Variants in VPS13D observed in about 807,000 individuals in gnomAD.
VPS13D encodes the protein vacuolar protein sorting 13 homolog D.
VPS13D carries 187 observed loss-of-function variants against 461.9 expected under a neutral mutation model. That is an observed-to-expected ratio of 0.40 (90% confidence interval 0.36 to 0.46). VPS13D has a LOEUF of 0.46. Ranked by LOEUF, VPS13D falls within the 20% of genes least tolerant of loss-of-function variation. VPS13D has a pLI of 0.60. For missense variants in VPS13D, 4,711 were observed against 5,364.9 expected, an observed-to-expected ratio of 0.88 and a Z score of 3.81; for synonymous variants, 1,951 against 1,986.3, an observed-to-expected ratio of 0.98 and a Z score of 0.47.
intron 57 of VPS13D, among the ~76,000 whole-genome samples, chr1:12,379,972 T>C (rs1038233121): frequency 3.3e-5 from 5 of 152,134 alleles, no homozygotes; most frequent in Non-Finnish European, 7.4e-5. Context: ...AGTTTCACCA[T>C]GTTAGCCAGG....
chr1:12,462,394 C>T (rs1645424362), intron 67 of VPS13D, among the ~76,000 whole-genome samples: 1 of 152,212 alleles, frequency 6.6e-6, no homozygotes, highest in Non-Finnish European at 1.5e-5. Flanking sequence ...TAAAAGGGAA[C>T]TACTGTGTGT....
intron 39 of VPS13D, 22 bp downstream of exon 39, chr1:12,335,849 G>A (rs1458456087): frequency 1.9e-6 from 3 of 1,613,570 alleles, no homozygotes; most frequent in East Asian, 2.2e-5. Flanking sequence ...CACTACATGT[G>A]TTTAACTAAA....
intron 62 of VPS13D, 114 bp downstream of exon 62, chr1:12,401,818 C>A: frequency 1.3e-6 from 1 of 761,388 alleles, no homozygotes; most frequent in South Asian, 1.7e-5. Context: ...CTTTCCACAT[C>A]TCAGCCTGAG....
chr1:12,420,159 A>T (rs142243207), intron 65 of VPS13D, among the ~76,000 whole-genome samples: 1 of 152,348 alleles, frequency 6.6e-6, no homozygotes, highest in Non-Finnish European at 1.5e-5. Flanking sequence ...CTTATAGGAA[A>T]TGGTAGATCT....
intron 52 of VPS13D, among the ~76,000 whole-genome samples, chr1:12,366,813 G>A (rs557624843): frequency 3.3e-5 from 5 of 152,244 alleles, no homozygotes; most frequent in African/African-American, 1.2e-4. Context: ...CTTGCTACAT[G>A]TTGCTTCTCT....
chr1:12,363,733 T>C (rs949101233), intron 52 of VPS13D, among the ~76,000 whole-genome samples: 2 of 151,984 alleles, frequency 1.3e-5, no homozygotes, highest in Non-Finnish European at 2.9e-5. Flanking sequence ...GGCAGGCGGA[T>C]CACGAGGTCA....
intron 65 of VPS13D, among the ~76,000 whole-genome samples, chr1:12,444,327 T>G (rs564281405): frequency 1.9e-4 from 29 of 152,336 alleles, no homozygotes; most frequent in African/African-American, 6.5e-4. Flanking sequence ...AGATTTACTC[T>G]TTGTTTTTAG....
intron 54 of VPS13D, among the ~76,000 whole-genome samples, chr1:12,370,343 AC>A (rs1483058450): frequency 8.5e-5 from 13 of 152,358 alleles, no homozygotes; most frequent in Non-Finnish European, 1.6e-4. Context: ...TGCTGAAATA[AC>A]AGGGCCAATT....
At chr1:12,307,063 TTATC>T (rs1642586216) in intron 26 of VPS13D, among the ~76,000 whole-genome samples, 1 of 152,188 alleles carries the variant, frequency 6.6e-6, no homozygotes, top group Non-Finnish European at 1.5e-5. Context: ...AGCTCTACTT[TTATC>T]TATTCCATGT....
At position 12,276,726 on chromosome 1, in the gene VPS13D, A is replaced by G; in HGVS notation, c.3138A>G (p.Gly1046=). The part of the protein sequence containing the change: ...RDSRAQSPVS[G]PNVAHLTDGA... The stretch of plus-strand genomic sequence containing the variant: ...GCAGGGCCCAGTCTCCTGTCTCTGG[A>G]CCGAATGTGGCCCACTTAACTGATG... The change falls in exon 19 of 70, where the codon GGA becomes GGG. Residue 1046 remains glycine, a synonymous_variant. Coordinates refer to ENST00000620676, the MANE Select transcript of VPS13D (RefSeq NM_015378.4). The surrounding 1 kb of genome is among the most constrained non-coding windows in gnomAD (Gnocchi z 4.5). 1 of 1,614,114 alleles carries G rather than the reference A, an allele frequency of 6.2e-7. No individual in the cohort carries two copies. Among genetic ancestry groups the G allele is most frequent in the Non-Finnish European group, 8.5e-7 (1 of 1,180,016 alleles).
rs111362529 is a variant in VPS13D at position 12,234,230 on chromosome 1, C to G, written c.-37C>G. 7.3e-7 allele frequency: 1 copy of G among 1,372,472 alleles called. No homozygotes were observed. The highest frequency in any genetic ancestry group is 1.0e-6 in the Non-Finnish European group (1 of 970,996). 85.0% of individuals were successfully genotyped at this position (1,372,472 alleles called of 1,614,324 possible). On this transcript the variant is annotated 5_prime_UTR_variant, in exon 2 of 70. It adds an upstream start codon to the 5' untranslated region. Coordinates refer to ENST00000620676, the MANE Select transcript of VPS13D (RefSeq NM_015378.4). ...ATGAAAGAGAGAAATAAAGAATGAT[C>G]CATGATTTCTAAACACCTTTTCCTG...
In VPS13D at chr1:12,338,244, C is replaced by G. The variant is rs565420547; in HGVS notation, c.8565C>G (p.Val2855=). Residue 2855 remains valine, a synonymous_variant, in exon 40 of 70, where the codon GTC becomes GTG. Coordinates refer to ENST00000620676, the MANE Select transcript of VPS13D (RefSeq NM_015378.4). ...PPCFGQSLPL[V]YLRTRSTASL... ...CCTGTCTACCAGGCCTCCCCCTTGT[C>G]TACCTTAGAACTAGGAGTACAGCCA... 3.3e-5 allele frequency: 54 copies of G among 1,613,654 alleles called. No homozygotes were observed. The South Asian group carries it at 5.3e-4, about 16-fold the overall frequency.
At chr1:12,366,969 T>C (rs1644044649) in intron 52 of VPS13D, among the ~76,000 whole-genome samples, 1 of 152,222 alleles carries the variant, frequency 6.6e-6, no homozygotes, top group South Asian at 2.1e-4. Flanking sequence ...TGTCACATAC[T>C]GATGAAATTT....
rs375423409 is a variant in VPS13D, at chr1:12,314,144, A to T, written c.6965A>T (p.Tyr2322Phe). 1 of 1,614,156 alleles carries T rather than the reference A, an allele frequency of 6.2e-7. No homozygotes were observed. The highest frequency in any genetic ancestry group is 8.5e-7 in the Non-Finnish European group (1 of 1,180,012). ...RFDFKKCKLL[Y>F]ESFSNQTKSI... ...GACTTCAAGAAATGCAAACTGCTCTATGAAAGTTTTTCCAACCAAACCAAG... is the reference window on the plus strand; with the variant it reads ...GACTTCAAGAAATGCAAACTGCTCTTTGAAAGTTTTTCCAACCAAACCAAG... The change falls in exon 30 of 70, where the codon TAT becomes TTT. Residue 2322 changes from tyrosine (Y) to phenylalanine (F), a missense_variant. Around this residue, in one of 3 missense-constraint regions of VPS13D, gnomAD observed 4,411 missense variants for 4,937.8 expected, o/e 0.89. Transcript: ENST00000620676.
intron 66 of VPS13D, 25 bp downstream of exon 66, chr1:12,456,155 C>T (rs760143997): frequency 1.5e-5 from 24 of 1,579,442 alleles, no homozygotes; most frequent in Non-Finnish European, 2.0e-5. Flanking sequence ...ACATCAGGCT[C>T]TGCTGCTGCT....
Position 12,431,456 on chromosome 1 carries a change from C to G in VPS13D, c.12333+14629C>G, listed in dbSNP as rs148216486. ...AAACCCAGGCTTTCTGGCTACAGAT[C>G]TAGTATGATTGTTGAGACTGGGCCG... On this transcript the variant is annotated intron_variant, in intron 65 of 69. Transcript: ENST00000620676. Among the ~76,000 whole-genome samples, 3 of 150,280 alleles carry G rather than the reference C, an allele frequency of 2.0e-5. No homozygotes were observed. The East Asian group carries it at 5.8e-4, about 29-fold the overall frequency.
intron 29 of VPS13D, 63 bp downstream of exon 29, chr1:12,311,988 C>T: frequency 7.2e-6 from 10 of 1,387,864 alleles, no homozygotes; most frequent in Non-Finnish European, 1.0e-5. Context: ...ACATGTTTTG[C>T]ATTGACACAG....
intron 32 of VPS13D, 137 bp downstream of exon 32, chr1:12,319,767 T>TAA: frequency 7.7e-7 from 1 of 1,296,536 alleles, no homozygotes; most frequent in South Asian, 1.5e-5. Flanking sequence ...CTTTTCCTCT[T>TAA]TGTTTTCTCC....
At chr1:12,372,896 A>G (rs1464273386) in intron 54 of VPS13D, among the ~76,000 whole-genome samples, 1 of 151,626 alleles carries the variant, frequency 6.6e-6, no homozygotes, top group Non-Finnish European at 1.5e-5. Context: ...CCAGGCTGCA[A>G]CATTCCATAA....
Sources: gnomAD v4.1 joint callset for allele counts (sites outside exome capture counted in the v4.1 genomes callset) on GRCh38, gnomAD v4.1.1 for gene constraint, gnomAD v4.1.1 regional missense constraint, Gnocchi (gnomAD v3.1) non-coding constraint, MANE v1.5 for transcripts, NCBI Gene and HGNC (gene_info 2026-07-23, HGNC 2026-07-21) for gene names.